The following FBN3 variants were observed in gnomAD, a reference collection of about 807,000 sequenced individuals.
The protein encoded by FBN3 is fibrillin 3, also known as fibrillin-3.
In FBN3, 234 loss-of-function variants were observed where a neutral mutation model predicts 330.1. The observed-to-expected ratio is 0.71, with a 90% CI of 0.64 to 0.79. FBN3 has a LOEUF of 0.79. Ranked by LOEUF, FBN3 falls within the 30% of genes least tolerant of loss-of-function variation. The pLI is 0.00. For synonymous variants in FBN3, 1,458 were observed against 1,517.3 expected, an observed-to-expected ratio of 0.96 and a Z score of 0.91; for missense variants, 3,606 against 3,886.9, an observed-to-expected ratio of 0.93 and a Z score of 1.92.
In FBN3 at chr19:8,112,024, C is replaced by G; in HGVS notation, c.3914G>C (p.Ser1305Thr). ...CACCCAGCCTGGCAGGCACCTACAG[C>G]TGAAACTCCCCGGGATGTTGAGACA... ...ASCLNIPGSF[S>T]CRCLPGWVGD... Residue 1305 changes from serine to threonine, a missense_variant, in exon 31 of 64, where the codon AGC becomes ACC. Physicochemically the swap from Ser to Thr is moderately conservative, Grantham distance 58. Coordinates refer to ENST00000600128, the MANE Select transcript of FBN3 (RefSeq NM_032447.5). The G allele has an allele frequency of 1.9e-6, 3 of 1,612,690 alleles. No individual in the cohort carries two copies. The highest frequency in any genetic ancestry group is 2.5e-6 in the Non-Finnish European group (3 of 1,179,600).
Position 8,104,773 on chromosome 19 carries a change from T to C in FBN3, c.4814-1086A>G, listed in dbSNP as rs890631117. ...GTGCCATGATTATTCAATCTGCCAA[T>C]GTAGCAAGAAAGCAGACACAAACAA... On this transcript the variant is annotated intron_variant, in intron 38 of 63. Coordinates refer to ENST00000600128, the MANE Select transcript of FBN3 (RefSeq NM_032447.5). Among the ~76,000 whole-genome samples the C allele has an allele frequency of 2.0e-5, 3 of 152,204 alleles. No homozygotes were observed. The South Asian group carries it at 6.2e-4, about 31-fold the overall frequency.
At chr19:8,108,075 CA>C in intron 37 of FBN3, 94 bp downstream of exon 37, 1 of 1,081,644 alleles carries the variant, frequency 9.2e-7, no homozygotes, top group Non-Finnish European at 1.4e-6. Flanking sequence ...CATCCCAGGA[CA>C]AAACTACTCA....
At chr19:8,079,659 C>T (rs2081728544) in intron 59 of FBN3, among the ~76,000 whole-genome samples, 1 of 152,162 alleles carries the variant, frequency 6.6e-6, no homozygotes, top group Non-Finnish European at 1.5e-5. Context: ...GGCACGATCT[C>T]GGCTCACTGC....
At chr19:8,124,481 G>T (rs1173478487) in intron 22 of FBN3, among the ~76,000 whole-genome samples, 1 of 150,380 alleles carries the variant, frequency 6.6e-6, no homozygotes, top group Non-Finnish European at 1.5e-5. Flanking sequence ...CAAGTGATCT[G>T]CCCGCCTCAG....
rs770478156 is a variant in FBN3, at chr19:8,103,704, G to C, written c.4814-17C>G. On this transcript the variant is annotated splice_polypyrimidine_tract_variant and intron_variant, in intron 38 of 63. Coordinates refer to ENST00000600128, the MANE Select transcript of FBN3 (RefSeq NM_032447.5). ...CGTCAATATCTGCAGGGAAAGAAGG[G>C]GTGGAGGGGAACAGTGGGCAGCGTC... 1.9e-6 allele frequency: 3 copies of C among 1,610,974 alleles called. No individual in the cohort carries two copies. The highest frequency in any genetic ancestry group is 2.5e-6 in the Non-Finnish European group (3 of 1,178,236).
In FBN3 at chr19:8,102,849, C is replaced by T. The variant is rs781166227; in HGVS notation, c.4964G>A (p.Arg1655Gln). 6.8e-6 allele frequency: 11 copies of T among 1,613,964 alleles called. No homozygotes were observed. Among genetic ancestry groups the T allele is most frequent in the African/African-American group, 4.0e-5 (3 of 74,890 alleles). ...ATTTTGACATGTGCCGTTATAGTGC[C>T]GGAAGCAGACACTCTTCCTCATATC... Reference protein sequence around the residue: ...CMDMRKSVCFRHYNGTCQNEL... With the variant: ...CMDMRKSVCFQHYNGTCQNEL... Residue 1655 changes from arginine to glutamine, a missense_variant, in exon 40 of 64, where the codon CGG (arginine) becomes CAG (glutamine). Coordinates refer to ENST00000600128, the MANE Select transcript of FBN3 (RefSeq NM_032447.5).
chr19:8,111,666 C>T lies in FBN3; in HGVS notation c.4066G>A (p.Asp1356Asn), dbSNP rs202114965. 2 of 1,461,094 alleles carry T rather than the reference C, an allele frequency of 1.4e-6. No homozygotes were observed. The highest frequency in any genetic ancestry group is 2.6e-5 in the East Asian group (1 of 38,788). 90.5% of individuals were successfully genotyped at this position (1,461,094 alleles called of 1,614,324 possible). ...ATCTCACCTTCGCAGAAGAAGCCAT[C>T]CCCGGCAAAGCCCTGGCGGCAGGTG... is the stretch of plus-strand genomic sequence containing the variant. ...RCTCRQGFAGDGFFCEDRDEC... is the reference protein window; with the variant it reads ...RCTCRQGFAGNGFFCEDRDEC... The change falls in exon 32 of 64, where the codon GAT (aspartate) becomes AAT (asparagine). Residue 1356 changes from aspartate (D) to asparagine (N), a missense_variant. By Grantham distance (23) the Asp-to-Asn change is conservative. Transcript: ENST00000600128.
Position 8,126,851 on chromosome 19 carries a change from A to G in FBN3, c.2297-19T>C, listed in dbSNP as rs746272235. 1 of 1,531,788 alleles carries G rather than the reference A, an allele frequency of 6.5e-7. No homozygotes were observed. Among genetic ancestry groups the G allele is most frequent in the South Asian group, 1.3e-5 (1 of 77,232 alleles). The allele number at this position is 1,531,788 out of a possible 1,614,324, so 94.9% of individuals were successfully genotyped here. The stretch of plus-strand genomic sequence containing the variant: ...TCGACATCTGTGGGGACAGCCCCCC[A>G]CCAGGTCCTGAGCTGCAGGAGGAGT... On this transcript the variant is annotated intron_variant, in intron 18 of 63. Transcript: ENST00000600128.
At chr19:8,073,735 A>G (rs1477555798) in intron 61 of FBN3, among the ~76,000 whole-genome samples, 5 of 152,220 alleles carry the variant, frequency 3.3e-5, no homozygotes, top group Non-Finnish European at 7.3e-5. Context: ...GCTGGAGTGC[A>G]GTGGTGCAAC....
chr19:8,129,107 C>A lies in FBN3; in HGVS notation c.2217G>T (p.Trp739Cys). The A allele has an allele frequency of 6.2e-7, 1 of 1,613,162 alleles. No individual in the cohort carries two copies. Among genetic ancestry groups the A allele is most frequent in the Non-Finnish European group, 8.5e-7 (1 of 1,180,006 alleles). The change falls in exon 18 of 64, where the codon TGG becomes TGT. Residue 739 changes from tryptophan to cysteine, a missense_variant. Trp to Cys is a radical substitution (Grantham distance 215). Coordinates refer to ENST00000600128, the MANE Select transcript of FBN3 (RefSeq NM_032447.5). The surrounding 1 kb of genome is among the most constrained non-coding windows in gnomAD (Gnocchi z 4.5). ...ALNSLLCDNGWCQNSPGSYSC... is the reference protein window; with the variant it reads ...ALNSLLCDNGCCQNSPGSYSC... Reference sequence around the variant, plus strand: ...TGTAGCTGCCAGGGCTATTCTGGCACCACCCGTTGTCACACAGGAGGCTGT... The same window carrying A: ...TGTAGCTGCCAGGGCTATTCTGGCAACACCCGTTGTCACACAGGAGGCTGT...
chr19:8,109,702 T>G lies in FBN3; in HGVS notation c.4385A>C (p.Asn1462Thr). Residue 1462 changes from asparagine (N) to threonine (T), a missense_variant, in exon 35 of 64, where the codon AAC becomes ACC. Physicochemically the swap from Asn to Thr is moderately conservative, Grantham distance 65. Coordinates refer to ENST00000600128, the MANE Select transcript of FBN3 (RefSeq NM_032447.5). This position sits in a 1 kb window ranked among gnomAD's most constrained non-coding sequence, Gnocchi z 5.2. Reference protein sequence around the residue: ...PVNCINGVCINTPGSYLCSCP... With the variant: ...PVNCINGVCITTPGSYLCSCP... ...GCTGCAGAGGTAGCTGCCGGGGGTGTTAATGCACACGCCGTTGATGCAGTT... is the reference window on the plus strand; with the variant it reads ...GCTGCAGAGGTAGCTGCCGGGGGTGGTAATGCACACGCCGTTGATGCAGTT... 1 of 1,554,752 alleles carries G rather than the reference T, an allele frequency of 6.4e-7. No individual in the cohort carries two copies. Among genetic ancestry groups the G allele is most frequent in the Non-Finnish European group, 8.7e-7 (1 of 1,152,898 alleles).
chr19:8,147,738 T>G (rs1371153040), intron 1 of FBN3: 8 of 366,966 alleles, frequency 2.2e-5, no homozygotes, highest in East Asian at 1.7e-4. Context: ...AAGACGGGAG[T>G]GGGAAGTGGA....
At position 8,136,459 on chromosome 19, in the gene FBN3, A is replaced by G. The variant is rs1307226701; in HGVS notation, c.1274T>C (p.Leu425Pro). 1 of 1,614,200 alleles carries G rather than the reference A, an allele frequency of 6.2e-7. No homozygotes were observed. The highest frequency in any genetic ancestry group is 1.3e-5 in the African/African-American group (1 of 75,066). ...GCAGCGGTAGCTGGAAGGCGTGGGC[A>G]GGCAGCGGCCATTCAGACACAGGTT... ...FTNLCLNGRC[L>P]PTPSSYRCEC... The change falls in exon 11 of 64, where the codon CTG becomes CCG. Residue 425 changes from leucine (L) to proline (P), a missense_variant. By Grantham distance (98) the Leu-to-Pro change is moderately conservative. Coordinates refer to ENST00000600128, the MANE Select transcript of FBN3 (RefSeq NM_032447.5).
At chr19:8,145,351 G>A (rs1390125844) in intron 5 of FBN3, among the ~76,000 whole-genome samples, 1 of 140,416 alleles carries the variant, frequency 7.1e-6, no homozygotes, top group African/African-American at 2.7e-5. Context: ...TCCAGCCTGG[G>A]CAACAGAGCA....
At chr19:8,138,868 G>A (rs773168125) in intron 8 of FBN3, among the ~76,000 whole-genome samples, 27 of 151,944 alleles carry the variant, frequency 1.8e-4, no homozygotes, top group Non-Finnish European at 2.8e-4. Context: ...CCAACATGGC[G>A]AAACCTCATG....
chr19:8,102,066 G>GTTTTATAAAGGGCAGTTCCCCTGCAC (rs2082338748), intron 40 of FBN3, among the ~76,000 whole-genome samples: 1 of 152,114 alleles, frequency 6.6e-6, no homozygotes, highest in African/African-American at 2.4e-5. Flanking sequence ...AGATCTGACA[G>GTTTTATAAAGGGCAGTTCCCCTGCAC]TTTTATAAAG....
chr19:8,104,247 G>A (rs1255267064), intron 38 of FBN3, among the ~76,000 whole-genome samples: 2 of 151,360 alleles, frequency 1.3e-5, no homozygotes, highest in Non-Finnish European at 2.9e-5. Flanking sequence ...CAAGGCAGGA[G>A]GATCATTTGA....
At chr19:8,135,935 T>TTGGGGGGGGGGGGGGGGGGCGGC in intron 13 of FBN3, 26 bp downstream of exon 13, 1 of 1,344,156 alleles carries the variant, frequency 7.4e-7, no homozygotes, top group Non-Finnish European at 1.0e-6. Context: ...CGGAAGCCCC[T>TTGGGGGGGGGGGGGGGGGGCGGC]GCCCACCCGC....
At chr19:8,143,809 T>A (rs2083470379) in intron 6 of FBN3, among the ~76,000 whole-genome samples, 1 of 122,744 alleles carries the variant, frequency 8.1e-6, no homozygotes, top group Non-Finnish European at 1.6e-5. Context: ...CTTTCTTTCT[T>A]TCTTTCTTTC....
Sources: gnomAD v4.1 joint callset for allele counts (sites outside exome capture counted in the v4.1 genomes callset) on GRCh38, gnomAD v4.1.1 for gene constraint, Gnocchi (gnomAD v3.1) non-coding constraint, MANE v1.5 for transcripts, NCBI Gene and HGNC (gene_info 2026-07-23, HGNC 2026-07-21) for gene names.